SMPD2: variants seen among roughly 807,000 people sequenced by gnomAD.
SMPD2 encodes N-SMase.
SMPD2 carries 35 observed loss-of-function variants against 41.7 expected under a neutral mutation model. That is an observed-to-expected ratio of 0.84 (90% CI 0.64 to 1.11). The LOEUF (loss-of-function observed/expected upper bound fraction) is 1.11. Among genes scored for constraint, SMPD2 ranks in the 50% most tolerant of loss-of-function variants. SMPD2 has a pLI of 0.00. For synonymous variants in SMPD2, 201 were observed against 208.2 expected, an observed-to-expected ratio of 0.97 and a Z score of 0.30; for missense variants, 520 against 524.8, an observed-to-expected ratio of 0.99 and a Z score of 0.09.
intron 1 of SMPD2, 45 bp downstream of exon 1, chr6:109,441,216 G>A (rs561333946): frequency 1.9e-6 from 3 of 1,609,658 alleles, no homozygotes; most frequent in Admixed American, 3.3e-5. Context: ...CCTTCCGTTC[G>A]CACCCATGCA....
Position 109,441,762 on chromosome 6 carries a change from G to A in SMPD2, c.224+134G>A, listed in dbSNP as rs1774901822. The A allele has an allele frequency of 7.3e-6, 7 of 964,340 alleles. No homozygotes were observed. The Admixed American group carries it at 9.2e-5, about 13-fold the overall frequency. The allele number at this position is 964,340 out of a possible 1,614,324, so 59.7% of individuals were successfully genotyped here. A position where few individuals can be genotyped will look rare whatever the true frequency, so the allele number is the denominator to read the frequency against. ...CTCTGGATGTGAGAGAAGGAGAAGGGTGAACCAAGAAGGTCCTATGACTTC... is the reference window on the plus strand; with the variant it reads ...CTCTGGATGTGAGAGAAGGAGAAGGATGAACCAAGAAGGTCCTATGACTTC... On this transcript the variant is annotated intron_variant, in intron 3 of 9. Transcript: ENST00000258052.
rs1481672663 is a variant in SMPD2, at chr6:109,441,059, C to T, written c.-63C>T. 7 of 1,557,546 alleles carry T rather than the reference C, an allele frequency of 4.5e-6. No individual in the cohort carries two copies. The Admixed American group carries it at 1.0e-4, about 22-fold the overall frequency. On this transcript the variant is annotated 5_prime_UTR_variant, in exon 1 of 10. Transcript: ENST00000258052. ...GGGAGAAGGCGCCGCCGGCCGCCCC[C>T]GTCCCCACCGCGGCCGTCGCTGGAG...
rs764630340 is a variant in SMPD2 at position 109,442,569 on chromosome 6, G to A, written c.435G>A (p.Lys145=). 8 of 1,613,736 alleles carry A rather than the reference G, an allele frequency of 5.0e-6. No homozygotes were observed. The African/African-American group carries it at 8.0e-5, about 16-fold the overall frequency. ...TCCATGCCGAATACAATCGACAGAA[G>A]GACATCTACCTAGCACATCGTGTGG... ...THLHAEYNRQ[K]DIYLAHRVAQ... is the part of the protein sequence containing the mutation. Residue 145 remains lysine (K), a synonymous_variant, in exon 6 of 10, where the codon AAG becomes AAA. Coordinates refer to ENST00000258052, the MANE Select transcript of SMPD2 (RefSeq NM_003080.3).
chr6:109,440,763 G>T lies in SMPD2; in HGVS notation c.-359G>T, dbSNP rs181183799. 2.2e-4 allele frequency: 75 copies of T among 340,998 alleles called. No individual in the cohort carries two copies. The highest frequency in any genetic ancestry group is 1.6e-3 in the African/African-American group (71 of 45,656). 21.1% of individuals were successfully genotyped at this position (340,998 alleles called of 1,614,324 possible). On this transcript the variant is annotated 5_prime_UTR_variant, in exon 1 of 10. Transcript: ENST00000258052. The stretch of plus-strand genomic sequence containing the variant: ...CTGTTGCTGGGCCGCCGGCGCGCGG[G>T]CGGCCGCGACCGCCGGGGACGAGCT...
Position 109,441,049 on chromosome 6 carries a change from CG to C in SMPD2, c.-71del. On this transcript the variant is annotated 5_prime_UTR_variant, in exon 1 of 10. Transcript: ENST00000258052. Reference sequence around the variant, plus strand: ...GAACGGTCTGGGGAGAAGGCGCCGCCGGCCGCCCCCGTCCCCACCGCGGCCG... The same window carrying C: ...GAACGGTCTGGGGAGAAGGCGCCGCCGCCGCCCCCGTCCCCACCGCGGCCG... The C allele has an allele frequency of 6.6e-7, 1 of 1,511,170 alleles. No homozygotes were observed. Among genetic ancestry groups the C allele is most frequent in the South Asian group, 1.1e-5 (1 of 88,422 alleles). 93.6% of individuals were successfully genotyped at this position (1,511,170 alleles called of 1,614,324 possible).
Position 109,442,880 on chromosome 6 carries a change from T to C in SMPD2, c.620T>C (p.Phe207Ser). 6.2e-7 allele frequency: 1 copy of C among 1,612,774 alleles called. No individual in the cohort carries two copies. The highest frequency in any genetic ancestry group is 8.5e-7 in the Non-Finnish European group (1 of 1,178,842). Reference sequence around the variant, plus strand: ...GATGCCTATCTTGAAACTCGGGACTTCAAGGTGAGGACTTGCCTGTTACTT... The same window carrying C: ...GATGCCTATCTTGAAACTCGGGACTCCAAGGTGAGGACTTGCCTGTTACTT... ...LHDAYLETRD[F>S]KGSEEGNTMV... is the part of the protein sequence containing the mutation. Residue 207 changes from phenylalanine to serine, a missense_variant, in exon 7 of 10, where the codon TTC becomes TCC. Coordinates refer to ENST00000258052, the MANE Select transcript of SMPD2 (RefSeq NM_003080.3).
chr6:109,441,603 T>C lies in SMPD2; in HGVS notation c.199T>C (p.Tyr67His), dbSNP rs779308551. 2 of 1,614,048 alleles carry C rather than the reference T, an allele frequency of 1.2e-6. No individual in the cohort carries two copies. Among genetic ancestry groups the C allele is most frequent in the South Asian group, 1.1e-5 (1 of 91,088 alleles). The change falls in exon 3 of 10, where the codon TAC becomes CAC. Residue 67 changes from tyrosine (Y) to histidine (H), a missense_variant. Coordinates refer to ENST00000258052, the MANE Select transcript of SMPD2 (RefSeq NM_003080.3). ...QYLRQKLSPT[Y>H]PAAHHFRSGI... The stretch of plus-strand genomic sequence containing the variant: ...CCTGAGACAGAAGCTGTCACCTACC[T>C]ACCCAGCTGCACACCACTTCCGGAG...
Position 109,441,020 on chromosome 6 carries a change from G to A in SMPD2, c.-102G>A. The stretch of plus-strand genomic sequence containing the variant: ...CCCACCTGTGCGCGCCGCCTGCGAA[G>A]AAGGAACGGTCTGGGGAGAAGGCGC... On this transcript the variant is annotated 5_prime_UTR_variant, in exon 1 of 10. Coordinates refer to ENST00000258052, the MANE Select transcript of SMPD2 (RefSeq NM_003080.3). The A allele has an allele frequency of 1.6e-6, 2 of 1,226,710 alleles. No homozygotes were observed. Among genetic ancestry groups the A allele is most frequent in the Non-Finnish European group, 1.2e-6 (1 of 850,456 alleles). 76.0% of individuals were successfully genotyped at this position (1,226,710 alleles called of 1,614,324 possible).
Position 109,441,353 on chromosome 6 carries a change from T to C in SMPD2, c.51-4T>C, listed in dbSNP as rs1386703265. On this transcript the variant is annotated splice_region_variant and splice_polypyrimidine_tract_variant and intron_variant, in intron 1 of 9. Transcript: ENST00000258052. ...CTCCCCTGCCCCGCTCTTCCCTTCC[T>C]TAGGGGCATTCCGTACTTGAGCAAG... 1.9e-6 allele frequency: 3 copies of C among 1,613,494 alleles called. No individual in the cohort carries two copies. The highest frequency in any genetic ancestry group is 1.7e-5 in the Admixed American group (1 of 60,008).
chr6:109,441,771 G>A lies in SMPD2; in HGVS notation c.224+143G>A, dbSNP rs1774902503. On this transcript the variant is annotated intron_variant, in intron 3 of 9. Coordinates refer to ENST00000258052, the MANE Select transcript of SMPD2 (RefSeq NM_003080.3). ...TGAGAGAAGGAGAAGGGTGAACCAAGAAGGTCCTATGACTTCAGCCCATTT... is the reference window on the plus strand; with the variant it reads ...TGAGAGAAGGAGAAGGGTGAACCAAAAAGGTCCTATGACTTCAGCCCATTT... 1.2e-5 allele frequency: 11 copies of A among 932,436 alleles called. No individual in the cohort carries two copies. In the East Asian group the frequency reaches 1.2e-4, roughly 10 times the overall value. 57.8% of individuals were successfully genotyped at this position (932,436 alleles called of 1,614,324 possible).
chr6:109,440,904 C>T lies in SMPD2; in HGVS notation c.-218C>T, dbSNP rs1774834360. On this transcript the variant is annotated 5_prime_UTR_variant, in exon 1 of 10. Coordinates refer to ENST00000258052, the MANE Select transcript of SMPD2 (RefSeq NM_003080.3). ...CGGATTTCGGCAGCGGATCGCCTTTCCGGGTTGGCGGCCCGCCTGATTGGG... is the reference window on the plus strand; with the variant it reads ...CGGATTTCGGCAGCGGATCGCCTTTTCGGGTTGGCGGCCCGCCTGATTGGG... The T allele has an allele frequency of 1.8e-6, 1 of 567,706 alleles. No homozygotes were observed. The highest frequency in any genetic ancestry group is 3.0e-6 in the Non-Finnish European group (1 of 330,404). 35.2% of individuals were successfully genotyped at this position (567,706 alleles called of 1,614,324 possible).
At chr6:109,441,699 C>G in intron 3 of SMPD2, 71 bp downstream of exon 3, 1 of 1,366,388 alleles carries the variant, frequency 7.3e-7, no homozygotes, top group Non-Finnish European at 1.0e-6. Context: ...CCTTCCCTAT[C>G]CTGCCTGCAC....
At position 109,442,860 on chromosome 6, in the gene SMPD2, C is replaced by G; in HGVS notation, c.600C>G (p.Ala200=). The change falls in exon 7 of 10, where the codon GCC becomes GCG. Residue 200 remains alanine, a synonymous_variant. Coordinates refer to ENST00000258052, the MANE Select transcript of SMPD2 (RefSeq NM_003080.3). ...AGGAGTGGACAGGGCTTCATGATGC[C>G]TATCTTGAAACTCGGGACTTCAAGG... ...LLKEWTGLHD[A]YLETRDFKGS... is the part of the protein sequence containing the mutation. The G allele has an allele frequency of 1.2e-6, 2 of 1,613,156 alleles. No individual in the cohort carries two copies. Among genetic ancestry groups the G allele is most frequent in the Non-Finnish European group, 1.7e-6 (2 of 1,179,188 alleles).
Position 109,441,569 on chromosome 6 carries a change from C to T in SMPD2, c.165C>T (p.Asp55=). ...ALLEEVWSEQ[D]FQYLRQKLSP... is the part of the protein sequence containing the mutation. ...TCCCTCAGGTGTGGAGTGAGCAGGA[C>T]TTCCAGTACCTGAGACAGAAGCTGT... Residue 55 remains aspartate (D), a synonymous_variant, in exon 3 of 10, where the codon GAC becomes GAT. Transcript: ENST00000258052. 6.2e-7 allele frequency: 1 copy of T among 1,614,218 alleles called. No individual in the cohort carries two copies. Among genetic ancestry groups the T allele is most frequent in the Non-Finnish European group, 8.5e-7 (1 of 1,180,014 alleles).
intron 4 of SMPD2, 66 bp downstream of exon 4, chr6:109,442,133 C>T: frequency 3.2e-6 from 5 of 1,582,612 alleles, no homozygotes; most frequent in Non-Finnish European, 4.3e-6. Context: ...GTAGAGGAGG[C>T]AGCCCTCTGA....
At position 109,442,525 on chromosome 6, in the gene SMPD2, C is replaced by T. The variant is rs750208299; in HGVS notation, c.409-18C>T. The T allele has an allele frequency of 6.3e-7, 1 of 1,598,774 alleles. No homozygotes were observed. Among genetic ancestry groups the T allele is most frequent in the African/African-American group, 1.3e-5 (1 of 74,784 alleles). On this transcript the variant is annotated intron_variant, in intron 5 of 9. Coordinates refer to ENST00000258052, the MANE Select transcript of SMPD2 (RefSeq NM_003080.3). ...GACCCTCAGTCTTATCTGCTGTGAT[C>T]TCATCTATCTTGCTCAGCTCCATGC...
chr6:109,440,900 C>T lies in SMPD2; in HGVS notation c.-222C>T, dbSNP rs1245518667. ...CGCCCGGATTTCGGCAGCGGATCGC[C>T]TTTCCGGGTTGGCGGCCCGCCTGAT... On this transcript the variant is annotated 5_prime_UTR_variant, in exon 1 of 10. Transcript: ENST00000258052. 4 of 566,450 alleles carry T rather than the reference C, an allele frequency of 7.1e-6. No homozygotes were observed. The highest frequency in any genetic ancestry group is 1.2e-5 in the Non-Finnish European group (4 of 329,614). 35.1% of individuals were successfully genotyped at this position (566,450 alleles called of 1,614,324 possible). A position where few individuals can be genotyped will look rare whatever the true frequency, so the allele number is the denominator to read the frequency against.
In SMPD2 at chr6:109,442,561, C is replaced by A. The variant is rs772540942; in HGVS notation, c.427C>A (p.Arg143=). 4.3e-6 allele frequency: 7 copies of A among 1,613,354 alleles called. No individual in the cohort carries two copies. The South Asian group carries it at 5.5e-5, about 13-fold the overall frequency. ...YVTHLHAEYN[R]QKDIYLAHRV... Reference sequence around the variant, plus strand: ...TGCTCAGCTCCATGCCGAATACAATCGACAGAAGGACATCTACCTAGCACA... The same window carrying A: ...TGCTCAGCTCCATGCCGAATACAATAGACAGAAGGACATCTACCTAGCACA... Residue 143 remains arginine, a synonymous_variant, in exon 6 of 10, where the codon CGA becomes AGA. Coordinates refer to ENST00000258052, the MANE Select transcript of SMPD2 (RefSeq NM_003080.3).
At chr6:109,441,207 C>CT (rs1198217240) in intron 1 of SMPD2, 36 bp downstream of exon 1, 1 of 1,612,640 alleles carries the variant, frequency 6.2e-7, no homozygotes, top group Non-Finnish European at 8.5e-7. Context: ...TGGGGGCCAC[C>CT]TTCCGTTCGC....
Sources: allele counts gnomAD v4.1 joint callset, GRCh38; gene constraint gnomAD v4.1.1; transcripts MANE v1.5; gene names NCBI Gene and HGNC (gene_info 2026-07-23, HGNC 2026-07-21).